ZNF407: variants seen among roughly 807,000 people sequenced by gnomAD.
ZNF407 encodes zinc finger protein 407.
A neutral mutation model predicts 131.2 loss-of-function variants in ZNF407; 17 were observed. The observed-to-expected ratio is 0.13, with a 90% CI of 0.09 to 0.19. ZNF407 has a LOEUF of 0.19. ZNF407 is among the 10% of genes least tolerant of loss of function. The pLI, the probability that ZNF407 is intolerant of heterozygous loss-of-function variation, is 1.00. For missense variants in ZNF407, 2,681 were observed against 2,830.6 expected, an observed-to-expected ratio of 0.95 and a Z score of 1.20; for synonymous variants, 1,156 against 1,062.0, an observed-to-expected ratio of 1.09 and a Z score of -1.72.
chr18:74,965,684 T>C (rs573184613), intron 8 of ZNF407, among the ~76,000 whole-genome samples: 2 of 152,296 alleles, frequency 1.3e-5, no homozygotes, highest in South Asian at 4.2e-4. Flanking sequence ...TACCCAGCAG[T>C]GGGATTGCTG....
At chr18:74,975,031 T>C (rs543880595) in intron 8 of ZNF407, among the ~76,000 whole-genome samples, 1 of 152,352 alleles carries the variant, frequency 6.6e-6, no homozygotes, top group East Asian at 1.9e-4. Flanking sequence ...AATACATACT[T>C]ACGTCATGCA....
intron 1 of ZNF407, among the ~76,000 whole-genome samples, chr18:74,616,524 C>A (rs975854599): frequency 2.3e-4 from 35 of 151,880 alleles, no homozygotes; most frequent in African/African-American, 8.2e-4. Context: ...TGTACAAAAC[C>A]AGCCCACTCC....
chr18:74,616,238 G>T (rs1983284361), intron 1 of ZNF407, among the ~76,000 whole-genome samples: 2 of 152,200 alleles, frequency 1.3e-5, no homozygotes, highest in Non-Finnish European at 2.9e-5. Flanking sequence ...CACCACAGTG[G>T]ACAGGAATTG....
Position 74,703,202 on chromosome 18 carries a change from T to C in ZNF407, c.4802+62080T>C, listed in dbSNP as rs1489665498. 6.6e-6 allele frequency among the ~76,000 whole-genome samples: 1 copy of C among 152,196 alleles called. No homozygotes were observed. Among genetic ancestry groups the C allele is most frequent in the Non-Finnish European group, 1.5e-5 (1 of 68,030 alleles). ...CTGCTGCTTGTAGCAGCCTTCTTCA[T>C]TTCTCACAAGAACCTGCCTCATGTC... On this transcript the variant is annotated intron_variant, in intron 3 of 8. Coordinates refer to ENST00000299687, the MANE Select transcript of ZNF407 (RefSeq NM_017757.3). This position sits in a 1 kb window ranked among gnomAD's most constrained non-coding sequence, Gnocchi z 4.1.
chr18:74,716,918 T>C (rs1018600539), intron 3 of ZNF407, among the ~76,000 whole-genome samples: 2 of 152,226 alleles, frequency 1.3e-5, no homozygotes, highest in Non-Finnish European at 2.9e-5. Flanking sequence ...AATGGCCTTA[T>C]ACACGTTCCA....
intron 2 of ZNF407, among the ~76,000 whole-genome samples, chr18:74,638,239 A>G (rs1380839549): frequency 6.6e-6 from 1 of 152,262 alleles, no homozygotes; most frequent in Non-Finnish European, 1.5e-5. Flanking sequence ...CAGACAGCTC[A>G]GTAGGAGAGT....
intron 4 of ZNF407, among the ~76,000 whole-genome samples, chr18:74,864,590 T>G (rs1216573212): frequency 2.0e-5 from 3 of 152,228 alleles, no homozygotes; most frequent in Non-Finnish European, 4.4e-5. Context: ...TTTATGAACA[T>G]TTCTTAATCC....
At chr18:74,836,213 C>T (rs1970557750) in intron 4 of ZNF407, among the ~76,000 whole-genome samples, 1 of 152,168 alleles carries the variant, frequency 6.6e-6, no homozygotes, top group Non-Finnish European at 1.5e-5. Context: ...TAACTCAAAG[C>T]CCCTTGGCCA....
At chr18:74,973,192 G>T (rs910131814) in intron 8 of ZNF407, among the ~76,000 whole-genome samples, 13 of 152,014 alleles carry the variant, frequency 8.6e-5, no homozygotes, top group Non-Finnish European at 1.8e-4. Flanking sequence ...CAGTCTGTTG[G>T]TGTCAGCATT....
chr18:75,021,373 G>A (rs1973108307), intron 8 of ZNF407, among the ~76,000 whole-genome samples: 1 of 151,946 alleles, frequency 6.6e-6, no homozygotes, highest in South Asian at 2.1e-4. Context: ...GGGCTCAAGT[G>A]ATCCTCCCTC....
chr18:74,789,569 T>C (rs1338395446), intron 4 of ZNF407, among the ~76,000 whole-genome samples: 2 of 152,136 alleles, frequency 1.3e-5, no homozygotes, highest in African/African-American at 4.8e-5. Context: ...TTTTCCTCTG[T>C]CTGTAAGAGA....
chr18:75,003,559 A>G (rs1972872438), intron 8 of ZNF407, among the ~76,000 whole-genome samples: 1 of 152,206 alleles, frequency 6.6e-6, no homozygotes, highest in African/African-American at 2.4e-5. Context: ...TGCATTTAAA[A>G]AAGTAGACTT....
chr18:74,608,808 C>G lies in ZNF407; in HGVS notation c.-54+10871C>G, dbSNP rs185822242. ...GGGAATACTAGCACAGGGGTGAAATCATGTCCTTCTCAGTGCATCATATGA... is the reference window on the plus strand; with the variant it reads ...GGGAATACTAGCACAGGGGTGAAATGATGTCCTTCTCAGTGCATCATATGA... On this transcript the variant is annotated intron_variant, in intron 1 of 8. Transcript: ENST00000299687. Among the ~76,000 whole-genome samples the G allele has an allele frequency of 4.6e-5, 7 of 152,258 alleles. No individual in the cohort carries two copies. The East Asian group carries it at 1.4e-3, about 29-fold the overall frequency.
chr18:74,902,431 T>TG (rs371492251), intron 7 of ZNF407, among the ~76,000 whole-genome samples: 5 of 152,196 alleles, frequency 3.3e-5, no homozygotes, highest in African/African-American at 1.2e-4. Flanking sequence ...AATGGGAAAA[T>TG]GTCTTCCGGG....
intron 3 of ZNF407, among the ~76,000 whole-genome samples, chr18:74,672,500 C>T (rs921882615): frequency 1.1e-4 from 11 of 103,496 alleles, no homozygotes; most frequent in Admixed American, 2.1e-4. Context: ...TTCGTTGGAG[C>T]ACTGTGTCTC....
rs574863068 is a variant in ZNF407, at chr18:74,739,211, G to C, written c.4803-42217G>C. On this transcript the variant is annotated intron_variant, in intron 3 of 8. Coordinates refer to ENST00000299687, the MANE Select transcript of ZNF407 (RefSeq NM_017757.3). ...ATATATATTAGAATTTATATATATA[G>C]ATGTGTATTTGAATTTAGGCATATC... is the stretch of plus-strand genomic sequence containing the variant. Among the ~76,000 whole-genome samples, 34 of 151,264 alleles carry C rather than the reference G, an allele frequency of 2.2e-4. No homozygotes were observed. The South Asian group carries it at 6.2e-3, about 28-fold the overall frequency.
At chr18:74,977,038 T>G (rs931860927) in intron 8 of ZNF407, among the ~76,000 whole-genome samples, 3 of 152,246 alleles carry the variant, frequency 2.0e-5, no homozygotes, top group Non-Finnish European at 2.9e-5. Context: ...CTGTATCCTA[T>G]GGCATAGACT....
chr18:74,990,990 T>C (rs568156645), intron 8 of ZNF407, among the ~76,000 whole-genome samples: 135 of 152,268 alleles, frequency 8.9e-4, no homozygotes, highest in African/African-American at 3.2e-3. Flanking sequence ...TCAACAAAGA[T>C]GGATGAAATC....
At chr18:74,999,518 AAG>A (rs1272738771) in intron 8 of ZNF407, among the ~76,000 whole-genome samples, 1 of 152,182 alleles carries the variant, frequency 6.6e-6, no homozygotes, top group Non-Finnish European at 1.5e-5. Context: ...ATTTCTGAGA[AAG>A]AAAATAATTT....
Sources: allele counts gnomAD v4.1 joint callset (sites outside exome capture counted in the v4.1 genomes callset), GRCh38; gene constraint gnomAD v4.1.1; non-coding constraint Gnocchi (gnomAD v3.1); transcripts MANE v1.5; gene names NCBI Gene and HGNC (gene_info 2026-07-23, HGNC 2026-07-21).